Variants in GABRA3 observed in about 807,000 individuals in gnomAD.
GABRA3 encodes gamma-aminobutyric acid type A receptor subunit alpha3, also known as gamma-aminobutyric acid receptor subunit alpha-3.
GABRA3 carries 10 observed loss-of-function variants against 30.1 expected under a neutral mutation model. The observed-to-expected ratio is 0.33, with a 90% confidence interval of 0.20 to 0.56. The LOEUF (loss-of-function observed/expected upper bound fraction) is 0.56. Ranked by LOEUF, GABRA3 falls within the 20% of genes least tolerant of loss-of-function variation. The probability of loss-of-function intolerance (pLI) is 0.89; values close to 1 mark genes in which losing one functional copy is unlikely to be tolerated. For synonymous variants in GABRA3, 151 were observed against 146.8 expected (o/e 1.03, Z -0.21); for missense variants, 233 against 392.0 (o/e 0.59, Z 3.42).
intron 2 of GABRA3, among the ~76,000 whole-genome samples, chrX:152,351,525 G>A (rs1940478574): frequency 1.8e-5 from 2 of 112,090 alleles, no homozygotes; most frequent in Middle Eastern, 9.1e-3. Flanking sequence ...TTATAGCATT[G>A]CTTTGAATTA....
At chrX:152,369,029 C>T (rs778835822) in intron 1 of GABRA3, among the ~76,000 whole-genome samples, 12 of 111,115 alleles carry the variant, frequency 1.1e-4, no homozygotes, top group Middle Eastern at 4.6e-3. Flanking sequence ...TTTTGAGAGA[C>T]CTCCACATTG....
chrX:152,379,139 C>A (rs1023355860), intron 1 of GABRA3, among the ~76,000 whole-genome samples: 1 of 110,850 alleles, frequency 9.0e-6, no homozygotes, highest in Admixed American at 9.6e-5. Context: ...TGGAGAATAC[C>A]ATACCCATTG....
intron 1 of GABRA3, among the ~76,000 whole-genome samples, chrX:152,438,398 G>A (rs1315466861): frequency 1.8e-5 from 2 of 112,264 alleles, no homozygotes; most frequent in Non-Finnish European, 3.8e-5. Context: ...AGACAGTCAG[G>A]CAGTTTCTTA....
chrX:152,330,829 C>T (rs1940153783), intron 3 of GABRA3, among the ~76,000 whole-genome samples: 1 of 110,797 alleles, frequency 9.0e-6, no homozygotes, highest in South Asian at 3.9e-4. Context: ...CCACATGTAC[C>T]CTAGAACTTA....
Position 152,345,719 on chromosome X carries a change from A to G in GABRA3, c.141-17T>C. ...GGAGACAGCCTGAGGCAATGCAAGGAAAAGAAAAAAAATAATAGTTCTTAA... is the reference window on the plus strand; with the variant it reads ...GGAGACAGCCTGAGGCAATGCAAGGGAAAGAAAAAAAATAATAGTTCTTAA... On this transcript the variant is annotated splice_polypyrimidine_tract_variant and intron_variant, in intron 2 of 9. Transcript: ENST00000370314. The G allele has an allele frequency of 8.7e-7, 1 of 1,148,169 alleles. No individual in the cohort carries two copies. The highest frequency in any genetic ancestry group is 1.1e-6 in the Non-Finnish European group (1 of 871,428). 94.6% of individuals were successfully genotyped at this position (1,148,169 alleles called of 1,213,427 possible). A position where few individuals can be genotyped will look rare whatever the true frequency, so the allele number is the denominator to read the frequency against.
intron 4 of GABRA3, among the ~76,000 whole-genome samples, chrX:152,283,008 A>G (rs1184515576): frequency 9.0e-6 from 1 of 111,648 alleles, no homozygotes; most frequent in Non-Finnish European, 1.9e-5. Flanking sequence ...AGAGCTACAT[A>G]CACCTGGTGA....
At chrX:152,309,379 G>T (rs147112734) in intron 3 of GABRA3, among the ~76,000 whole-genome samples, 1 of 110,589 alleles carries the variant, frequency 9.0e-6, no homozygotes, top group African/African-American at 3.3e-5. Flanking sequence ...TATATTAAAC[G>T]CAGCTAGAGA....
At position 152,166,771 on chromosome X, in the gene GABRA3, C is replaced by T. The variant is rs1936941817; in HGVS notation, c.*1457G>A. On this transcript the variant is annotated 3_prime_UTR_variant, in exon 10 of 10. Transcript: ENST00000370314. ...AACCTTTTTGGTGCCCAACCAAGTT[C>T]CACTAGTGACCCAGAAGGCCCGCTG... The T allele has an allele frequency of 9.0e-6, 1 of 110,704 alleles. No individual in the cohort carries two copies. Among genetic ancestry groups the T allele is most frequent in the African/African-American group, 3.3e-5 (1 of 30,373 alleles). 9.1% of individuals were successfully genotyped at this position (110,704 alleles called of 1,213,427 possible).
chrX:152,194,728 CAT>C (rs1011250931), intron 8 of GABRA3, among the ~76,000 whole-genome samples: 4 of 110,929 alleles, frequency 3.6e-5, no homozygotes, highest in African/African-American at 1.3e-4. Context: ...ATCAAGTTTC[CAT>C]ATATATGGCT....
intron 1 of GABRA3, among the ~76,000 whole-genome samples, chrX:152,395,909 C>T (rs1242688267): frequency 8.9e-6 from 1 of 111,960 alleles, no homozygotes. Flanking sequence ...CGGATGAACA[C>T]ATGCCTAATT....
intron 6 of GABRA3, among the ~76,000 whole-genome samples, chrX:152,214,250 A>G (rs1765183601): frequency 1.8e-5 from 2 of 111,289 alleles, no homozygotes; most frequent in African/African-American, 6.5e-5. Context: ...CCATGATTTC[A>G]TCCTTTTTAT....
chrX:152,174,441 C>A (rs917890177), intron 9 of GABRA3, among the ~76,000 whole-genome samples: 12 of 111,990 alleles, frequency 1.1e-4, no homozygotes, highest in Non-Finnish European at 3.8e-5. Context: ...TCCACATCCT[C>A]TCCAGCACCT....
intron 4 of GABRA3, among the ~76,000 whole-genome samples, chrX:152,259,926 A>G (rs778780314): frequency 1.8e-5 from 2 of 110,311 alleles, no homozygotes; most frequent in Non-Finnish European, 3.8e-5. Flanking sequence ...TAGAGCATCA[A>G]GCAGGCTCTT....
chrX:152,230,555 C>T (rs1000531061), intron 5 of GABRA3, among the ~76,000 whole-genome samples: 2 of 110,968 alleles, frequency 1.8e-5, no homozygotes, highest in Non-Finnish European at 3.8e-5. Context: ...AGTACTTACA[C>T]TTTCCAGTTT....
chrX:152,220,061 A>C (rs1343268294), intron 6 of GABRA3, among the ~76,000 whole-genome samples: 1 of 111,745 alleles, frequency 8.9e-6, no homozygotes, highest in Admixed American at 9.6e-5. Context: ...TTCTAAAGTT[A>C]CTATTAATAT....
intron 4 of GABRA3, among the ~76,000 whole-genome samples, chrX:152,279,160 G>A (rs1441866939): frequency 9.0e-6 from 1 of 111,721 alleles, no homozygotes; most frequent in Admixed American, 9.5e-5. Context: ...ATTGCTTTTG[G>A]TGTTTTAGAT....
intron 1 of GABRA3, among the ~76,000 whole-genome samples, chrX:152,389,700 T>G (rs1461450628): frequency 9.0e-6 from 1 of 111,034 alleles, no homozygotes; most frequent in Non-Finnish European, 1.9e-5. Flanking sequence ...AACTGCAAAA[T>G]GAGCTCTTGA....
At chrX:152,416,770 G>A (rs1252180078) in intron 1 of GABRA3, among the ~76,000 whole-genome samples, 2 of 109,486 alleles carry the variant, frequency 1.8e-5, no homozygotes, top group African/African-American at 6.8e-5. Flanking sequence ...AACAAGAAAT[G>A]GGGAAAGGAT....
intron 3 of GABRA3, among the ~76,000 whole-genome samples, chrX:152,334,165 C>T (rs1328523642): frequency 9.0e-6 from 1 of 111,690 alleles, no homozygotes; most frequent in Non-Finnish European, 1.9e-5. Flanking sequence ...AAAATTCTGA[C>T]GTTCCTGTTA....
Sources: allele counts gnomAD v4.1 joint callset (sites outside exome capture counted in the v4.1 genomes callset), GRCh38; gene constraint gnomAD v4.1.1; transcripts MANE v1.5; gene names NCBI Gene and HGNC (gene_info 2026-07-23, HGNC 2026-07-21).